Variants in REXO4 observed in about 807,000 individuals in gnomAD.
The protein encoded by REXO4 is RNA exonuclease 4, also known as REX4 homolog, 3'-5' exonuclease.
REXO4 carries 29 observed loss-of-function variants against 39.9 expected under a neutral mutation model. That is an observed-to-expected ratio of 0.73 (90% CI 0.54 to 0.99). The LOEUF (loss-of-function observed/expected upper bound fraction) is 0.99, where lower values mean the gene tolerates loss of function less well. Among genes scored for constraint, REXO4 ranks in the 50% least tolerant of loss-of-function variants. The pLI, the probability that REXO4 is intolerant of heterozygous loss-of-function variation, is 0.00. For missense variants in REXO4, 524 were observed against 546.5 expected (o/e 0.96, Z 0.41); for synonymous variants, 184 against 206.2 (o/e 0.89, Z 0.92).
chr9:133,414,669 T>C lies in REXO4; in HGVS notation c.568A>G (p.Thr190Ala). ...KAKEAAPAPP[T>A]EEDIWFDDVD... The stretch of plus-strand genomic sequence containing the variant: ...GGTGAGGTGGCCCATACTTACTCGG[T>C]GGGTGGGGCTGGGGCTGCCTCCTTA... The change falls in exon 2 of 8, where the codon ACC becomes GCC. Residue 190 changes from threonine to alanine, a missense_variant. Coordinates refer to ENST00000371942, the MANE Select transcript of REXO4 (RefSeq NM_020385.4). 6.2e-7 allele frequency: 1 copy of C among 1,613,698 alleles called. No homozygotes were observed. Among genetic ancestry groups the C allele is most frequent in the Non-Finnish European group, 8.5e-7 (1 of 1,179,662 alleles).
At chr9:133,415,863 A>G (rs1839563636) in intron 1 of REXO4, 1 of 152,186 alleles carries the variant, frequency 6.6e-6, no homozygotes, top group Non-Finnish European at 1.5e-5. Flanking sequence ...CTGTGTGTTA[A>G]GACAGGAATG....
At chr9:133,416,966 C>A (rs1176445532) in intron 1 of REXO4, among the ~76,000 whole-genome samples, 1 of 152,228 alleles carries the variant, frequency 6.6e-6, no homozygotes, top group Non-Finnish European at 1.5e-5. Context: ...CACTTCTACA[C>A]AGGAATCTTC....
At chr9:133,409,217 T>C (rs1839088967) in intron 5 of REXO4, among the ~76,000 whole-genome samples, 1 of 152,138 alleles carries the variant, frequency 6.6e-6, no homozygotes, top group Non-Finnish European at 1.5e-5. Flanking sequence ...TCCACCCGCC[T>C]CGGCCTCCCA....
At chr9:133,416,493 G>C (rs1839607977) in intron 1 of REXO4, among the ~76,000 whole-genome samples, 1 of 152,168 alleles carries the variant, frequency 6.6e-6, no homozygotes, top group Admixed American at 6.5e-5. Flanking sequence ...GATTACACGT[G>C]TGGGCTACTC....
At position 133,417,827 on chromosome 9, in the gene REXO4, G is replaced by T; in HGVS notation, c.18C>A (p.Val6=). Residue 6 remains valine, a synonymous_variant, in exon 1 of 8, where the codon GTC becomes GTA. Transcript: ENST00000371942. MGKAK[V]PASKRAPSSP... ...TGCTCGGGGCGCGCTTGGAGGCGGG[G>T]ACCTTCGCCTTCCCCATCCTGCTGC... 6.2e-7 allele frequency: 1 copy of T among 1,601,982 alleles called. No individual in the cohort carries two copies. Among genetic ancestry groups the T allele is most frequent in the Non-Finnish European group, 8.5e-7 (1 of 1,179,688 alleles).
chr9:133,406,669 G>T lies in REXO4; in HGVS notation c.*284C>A. On this transcript the variant is annotated 3_prime_UTR_variant, in exon 8 of 8. Transcript: ENST00000371942. ...GGCCCACAGGCCCCAACCTCACCTG[G>T]CCCAGGGGGTCAGCAGTCGGTAAAG... The T allele has an allele frequency of 2.2e-6, 1 of 457,686 alleles. No homozygotes were observed. Among genetic ancestry groups the T allele is most frequent in the Non-Finnish European group, 4.0e-6 (1 of 247,788 alleles). 28.4% of individuals were successfully genotyped at this position (457,686 alleles called of 1,614,324 possible).
chr9:133,408,989 G>A (rs7860836), intron 5 of REXO4, 147 bp from the exon 6 acceptor site: 33,434 of 362,000 alleles, frequency 0.092, 2,186 homozygotes, highest in African/African-American at 0.24. Context: ...TGTGTGTGAC[G>A]GAGTCTTGCT....
rs878871980 is a variant in REXO4, at chr9:133,412,695, G to A, written c.716+83C>T. Reference sequence around the variant, plus strand: ...GCTTGCCTCATTCACCTCAGGGAGAGGAAAGCATCCTCTTCCTTGAAGAAG... The same window carrying A: ...GCTTGCCTCATTCACCTCAGGGAGAAGAAAGCATCCTCTTCCTTGAAGAAG... On this transcript the variant is annotated intron_variant, in intron 3 of 7. Coordinates refer to ENST00000371942, the MANE Select transcript of REXO4 (RefSeq NM_020385.4). The A allele has an allele frequency of 5.1e-6, 8 of 1,565,938 alleles. No homozygotes were observed. The South Asian group carries it at 6.8e-5, about 13-fold the overall frequency.
Position 133,406,667 on chromosome 9 carries a change from T to G in REXO4, c.*286A>C. The G allele has an allele frequency of 2.2e-6, 1 of 454,156 alleles. No homozygotes were observed. The highest frequency in any genetic ancestry group is 4.1e-6 in the Non-Finnish European group (1 of 245,580). 28.1% of individuals were successfully genotyped at this position (454,156 alleles called of 1,614,324 possible). On this transcript the variant is annotated 3_prime_UTR_variant, in exon 8 of 8. Transcript: ENST00000371942. ...GCGGCCCACAGGCCCCAACCTCACCTGGCCCAGGGGGTCAGCAGTCGGTAA... is the reference window on the plus strand; with the variant it reads ...GCGGCCCACAGGCCCCAACCTCACCGGGCCCAGGGGGTCAGCAGTCGGTAA...
intron 2 of REXO4, 94 bp downstream of exon 2, chr9:133,414,571 G>C (rs1554781054): frequency 4.7e-6 from 5 of 1,053,432 alleles, no homozygotes; most frequent in Admixed American, 1.7e-5. Flanking sequence ...AAGTGATGGA[G>C]AGACTGCGGT....
At position 133,408,776 on chromosome 9, in the gene REXO4, G is replaced by T. The variant is rs1554779468; in HGVS notation, c.1066C>A (p.Gln356Lys). 3.1e-6 allele frequency: 5 copies of T among 1,594,286 alleles called. No individual in the cohort carries two copies. Among genetic ancestry groups the T allele is most frequent in the Non-Finnish European group, 4.3e-6 (5 of 1,163,734 alleles). The change falls in exon 6 of 8, where the codon CAA becomes AAA. Residue 356 changes from glutamine (Q) to lysine (K), a missense_variant. By Grantham distance (53) the Gln-to-Lys change is moderately conservative (BLOSUM62 1). Coordinates refer to ENST00000371942, the MANE Select transcript of REXO4 (RefSeq NM_020385.4). ...DTQKYKPFKS[Q>K]VKSGRPSLRL... ...ACACTCATTCTAAGTACCTTTACTT[G>T]ACTCTTGAAAGGTTTATATTTCTGT...
intron 2 of REXO4, chr9:133,414,213 G>T (rs1173601528): frequency 2.8e-6 from 1 of 355,132 alleles, no homozygotes; most frequent in African/African-American, 2.1e-5. Flanking sequence ...GGGATCACAG[G>T]CAACAGCCAC....
intron 2 of REXO4, among the ~76,000 whole-genome samples, chr9:133,413,243 GGC>G (rs1839337289): frequency 6.6e-6 from 1 of 151,970 alleles, no homozygotes; most frequent in Admixed American, 6.6e-5. Flanking sequence ...GGATTTTACA[GGC>G]GCCCACTGCC....
chr9:133,407,982 C>CGCG, intron 6 of REXO4, 101 bp from the exon 7 acceptor site: 1 of 845,670 alleles, frequency 1.2e-6, no homozygotes, highest in South Asian at 1.5e-5. Flanking sequence ...CTCACCCAAG[C>CGCG]GACCTACAGT....
rs1288609296 is a variant in REXO4, at chr9:133,407,940, C to T, written c.1075-59G>A. On this transcript the variant is annotated intron_variant, in intron 6 of 7. Coordinates refer to ENST00000371942, the MANE Select transcript of REXO4 (RefSeq NM_020385.4). ...GCAGGCTCGGCCCAAAGAGGGTCAC[C>T]CCACCAAGCAGGGAGCGGTTGGCTA... The T allele has an allele frequency of 7.2e-6, 10 of 1,391,498 alleles. No individual in the cohort carries two copies. In the East Asian group the frequency reaches 2.4e-4, roughly 33 times the overall value. 86.2% of individuals were successfully genotyped at this position (1,391,498 alleles called of 1,614,324 possible). A position where few individuals can be genotyped will look rare whatever the true frequency, so the allele number is the denominator to read the frequency against.
At position 133,414,849 on chromosome 9, in the gene REXO4, C is replaced by A. The variant is rs1839473446; in HGVS notation, c.388G>T (p.Gly130Cys). The A allele has an allele frequency of 4.3e-6, 7 of 1,614,136 alleles. No individual in the cohort carries two copies. Among genetic ancestry groups the A allele is most frequent in the Non-Finnish European group, 5.9e-6 (7 of 1,180,024 alleles). ...PAGKDQEASR[G>C]SVPSGSKMDR... ...ATCTTGGAACCTGAAGGAACAGAGC[C>A]CCTGCTGGCCTCCTGGTCTTTTCCT... Residue 130 changes from glycine to cysteine, a missense_variant, in exon 2 of 8, where the codon GGC becomes TGC. Gly to Cys is a radical substitution (Grantham distance 159, BLOSUM62 -3). Transcript: ENST00000371942.
intron 2 of REXO4, among the ~76,000 whole-genome samples, chr9:133,414,117 C>T (rs1839406147): frequency 6.6e-6 from 1 of 152,212 alleles, no homozygotes; most frequent in Non-Finnish European, 1.5e-5. Flanking sequence ...GTCACCCAGG[C>T]TGGAGGCAGT....
intron 4 of REXO4, among the ~76,000 whole-genome samples, chr9:133,411,772 C>A (rs9411402): frequency 0.33 from 50,261 of 151,476 alleles, 8,946 homozygotes; most frequent in South Asian, 0.45. Context: ...ACTTAAAATA[C>A]AAAATTAGTC....
At chr9:133,414,333 C>G (rs587705645) in intron 2 of REXO4, 1 of 530,756 alleles carries the variant, frequency 1.9e-6, no homozygotes, top group South Asian at 1.6e-5. Context: ...GCACAGAGGA[C>G]GTCAGAAACT....
Sources: gnomAD v4.1 joint callset for allele counts (sites outside exome capture counted in the v4.1 genomes callset) on GRCh38, gnomAD v4.1.1 for gene constraint, MANE v1.5 for transcripts, NCBI Gene and HGNC (gene_info 2026-07-23, HGNC 2026-07-21) for gene names.